Variants in CDC45 observed in about 807,000 individuals in gnomAD.
CDC45 encodes the protein cell division cycle 45, also known as cell division control protein 45 homolog.
In CDC45, 54 loss-of-function variants were observed where a neutral mutation model predicts 77.8. The observed-to-expected ratio is 0.69, with a 90% CI of 0.56 to 0.87. CDC45 has a LOEUF of 0.87. Ranked by LOEUF, CDC45 falls within the 40% of genes least tolerant of loss-of-function variation. CDC45 has a pLI of 0.00. For missense variants in CDC45, 649 were observed against 721.6 expected (o/e 0.90, Z 1.15); for synonymous variants, 260 against 272.1 (o/e 0.96, Z 0.44).
At chr22:19,516,755 C>CG (rs1389735809) in intron 16 of CDC45, 62 bp from the exon 17 acceptor site, 7 of 1,391,396 alleles carry the variant, frequency 5.0e-6, no homozygotes, top group Non-Finnish European at 6.0e-6. Flanking sequence ...TGTCCTGGGG[C>CG]GGGGGGTGGG....
At chr22:19,496,072 A>T (rs958256270) in intron 7 of CDC45, 43 bp downstream of exon 7, 4 of 1,315,920 alleles carry the variant, frequency 3.0e-6, no homozygotes, top group Non-Finnish European at 4.4e-6. Context: ...TTCTGACTCC[A>T]GGGGTCAGTG....
chr22:19,496,744 G>A (rs547212932), intron 7 of CDC45, among the ~76,000 whole-genome samples: 34 of 152,278 alleles, frequency 2.2e-4, no homozygotes, highest in Middle Eastern at 3.4e-3. Flanking sequence ...GAGGAAGCCC[G>A]CATCTCACGG....
Position 19,480,226 on chromosome 22 carries a change from TGCGG to T in CDC45, c.111+10_111+13del, listed in dbSNP as rs2089954106. On this transcript the variant is annotated intron_variant, in intron 2 of 18. Coordinates refer to ENST00000263201, the MANE Select transcript of CDC45 (RefSeq NM_003504.5). The stretch of plus-strand genomic sequence containing the variant: ...CGTGCAAGATCCTTCAGGTGAGTTC[TGCGG>T]ACCCTAGGAGGGCGGGGCCGGCGCG... 6.2e-7 allele frequency: 1 copy of T among 1,613,132 alleles called. No homozygotes were observed. Among genetic ancestry groups the T allele is most frequent in the African/African-American group, 1.3e-5 (1 of 74,870 alleles).
At chr22:19,507,546 C>T (rs767749660) in intron 11 of CDC45, 29 bp downstream of exon 11, 7 of 1,611,902 alleles carry the variant, frequency 4.3e-6, no homozygotes, top group African/African-American at 2.7e-5. Flanking sequence ...CTCTGCAGTG[C>T]CAGCCCTGGC....
upstream of CDC45, chr22:19,479,692 AAGCGAGTC>A (rs2089939943): frequency 2.9e-6 from 2 of 695,036 alleles, no homozygotes; most frequent in Admixed American, 4.1e-5. Flanking sequence ...TTCTGGGTAA[AAGCGAGTC>A]AGAGTTGAAG....
At chr22:19,505,168 C>G (rs1057437764) in intron 9 of CDC45, 194 bp from the exon 10 acceptor site, 6 of 618,354 alleles carry the variant, frequency 9.7e-6, no homozygotes, top group African/African-American at 9.2e-5. Flanking sequence ...CCACACCCCC[C>G]CGCTCCATCC....
chr22:19,510,428 A>T (rs1933448677), intron 13 of CDC45, among the ~76,000 whole-genome samples: 1 of 152,196 alleles, frequency 6.6e-6, no homozygotes, highest in Admixed American at 6.5e-5. Context: ...TTTCATACAA[A>T]TGGGATCATA....
chr22:19,479,661 G>C, upstream of CDC45: 2 of 677,390 alleles, frequency 3.0e-6, no homozygotes, highest in South Asian at 3.0e-5. Context: ...CCAAAGTAAA[G>C]ATGTCCGCCC....
chr22:19,505,607 T>C, intron 10 of CDC45, 126 bp downstream of exon 10: 2 of 1,064,558 alleles, frequency 1.9e-6, no homozygotes, highest in Non-Finnish European at 2.8e-6. Flanking sequence ...GCAGGAAGTT[T>C]TGGGGGAAGG....
At chr22:19,518,775 G>C in intron 17 of CDC45, 69 bp from the exon 18 acceptor site, 1 of 1,260,096 alleles carries the variant, frequency 7.9e-7, no homozygotes, top group Non-Finnish European at 1.2e-6. Flanking sequence ...GCAGCGGAGG[G>C]GAGTTCTGTG....
At chr22:19,506,036 T>G (rs1020745175) in intron 10 of CDC45, among the ~76,000 whole-genome samples, 5 of 151,516 alleles carry the variant, frequency 3.3e-5, no homozygotes, top group Admixed American at 6.6e-5. Context: ...TGAGTCAGGG[T>G]TTTTAAAAGG....
chr22:19,506,493 T>G, intron 10 of CDC45, among the ~76,000 whole-genome samples: 1 of 151,788 alleles, frequency 6.6e-6, no homozygotes, highest in Admixed American at 6.6e-5. Flanking sequence ...TCCCAGGAGT[T>G]GGGAGGGGCA....
intron 13 of CDC45, among the ~76,000 whole-genome samples, chr22:19,509,681 C>T (rs1252800178): frequency 6.6e-6 from 1 of 152,282 alleles, no homozygotes; most frequent in East Asian, 1.9e-4. Flanking sequence ...GGGGATTTGA[C>T]TTTGCTACTT....
intron 5 of CDC45, among the ~76,000 whole-genome samples, chr22:19,489,659 CAATATT>C (rs2090125278): frequency 6.6e-6 from 1 of 152,088 alleles, no homozygotes; most frequent in African/African-American, 2.4e-5. Flanking sequence ...TAAAAACAAA[CAATATT>C]TATTATTTCT....
intron 12 of CDC45, among the ~76,000 whole-genome samples, chr22:19,508,301 A>G (rs1601973577): frequency 6.6e-6 from 1 of 152,082 alleles, no homozygotes; most frequent in Admixed American, 6.5e-5. Context: ...AGGACCCCAC[A>G]CACCCCCTAA....
At chr22:19,499,361 A>C (rs1568924673) in intron 9 of CDC45, among the ~76,000 whole-genome samples, 1 of 152,176 alleles carries the variant, frequency 6.6e-6, no homozygotes, top group African/African-American at 2.4e-5. Context: ...TGGCGTCTTC[A>C]TCTGGCAGGT....
At chr22:19,481,760 C>T (rs1056643702) in intron 3 of CDC45, among the ~76,000 whole-genome samples, 2 of 152,090 alleles carry the variant, frequency 1.3e-5, no homozygotes, top group African/African-American at 4.8e-5. Flanking sequence ...CAACCTCCGC[C>T]TTCTGGGTTC....
Position 19,508,575 on chromosome 22 carries a change from C to A in CDC45, c.1101C>A (p.Phe367Leu), listed in dbSNP as rs776980242. 6.2e-7 allele frequency: 1 copy of A among 1,614,234 alleles called. No homozygotes were observed. Among genetic ancestry groups the A allele is most frequent in the Non-Finnish European group, 8.5e-7 (1 of 1,180,044 alleles). Residue 367 changes from phenylalanine to leucine, a missense_variant, in exon 13 of 19, where the codon TTC (phenylalanine) becomes TTA (leucine). Coordinates refer to ENST00000263201, the MANE Select transcript of CDC45 (RefSeq NM_003504.5). ...AGACTTTCAGCATTCATTTTGGGTTCAAGCACAAGTTTCTGGCCAGCGACG... is the reference window on the plus strand; with the variant it reads ...AGACTTTCAGCATTCATTTTGGGTTAAAGCACAAGTTTCTGGCCAGCGACG... Reference protein sequence around the residue: ...RVQTFSIHFGFKHKFLASDVV... With the variant: ...RVQTFSIHFGLKHKFLASDVV...
At chr22:19,516,461 T>G in intron 15 of CDC45, 66 bp from the exon 16 acceptor site, 2 of 1,328,064 alleles carry the variant, frequency 1.5e-6, no homozygotes, top group Non-Finnish European at 1.1e-6. Flanking sequence ...GCTGTTGGGC[T>G]CTGGGCTCTG....
Sources: allele counts gnomAD v4.1 joint callset (sites outside exome capture counted in the v4.1 genomes callset), GRCh38; gene constraint gnomAD v4.1.1; transcripts MANE v1.5; gene names NCBI Gene and HGNC (gene_info 2026-07-23, HGNC 2026-07-21).